The following ANGPT1 variants were observed in gnomAD, a reference collection of about 807,000 sequenced individuals.
ANGPT1 encodes angiopoietin 1, also known as angiopoietin-1.
A neutral mutation model predicts 62.2 loss-of-function variants in ANGPT1; 17 were observed. The ratio of observed to expected loss-of-function variants is 0.27; its 90% confidence interval spans 0.19 to 0.41. The LOEUF is 0.41. ANGPT1 is among the 10% of genes least tolerant of loss of function. ANGPT1 has a pLI of 1.00. For missense variants in ANGPT1, 478 were observed against 594.9 expected, an observed-to-expected ratio of 0.80 and a Z score of 2.04; for synonymous variants, 199 against 198.9, an observed-to-expected ratio of 1.00 and a Z score of 0.00.
rs543588305 is a variant in ANGPT1 at position 107,299,764 on chromosome 8, T to C, written c.936+3476A>G. Among the ~76,000 whole-genome samples, 177 of 116,892 alleles carry C rather than the reference T, an allele frequency of 1.5e-3. 1 individual carries two copies. Among genetic ancestry groups the C allele is most frequent in the Middle Eastern group, 0.014 (1 of 72 alleles). The allele number at this position is 116,892 out of a possible 152,430, so 76.7% of individuals were successfully genotyped here. The stretch of plus-strand genomic sequence containing the variant: ...TACTATATATCTAGATATGTAGTTA[T>C]ATCTAGATATACTATATATCTAGAT... On this transcript the variant is annotated intron_variant, in intron 5 of 8. Transcript: ENST00000517746.
chr8:107,296,024 C>A (rs1814406140), intron 5 of ANGPT1, among the ~76,000 whole-genome samples: 1 of 152,060 alleles, frequency 6.6e-6, no homozygotes, highest in Non-Finnish European at 1.5e-5. Context: ...AGCTCTGGAT[C>A]TGGGATTTAA....
intron 1 of ANGPT1, among the ~76,000 whole-genome samples, chr8:107,479,051 A>G (rs1325315881): frequency 6.6e-6 from 1 of 152,016 alleles, no homozygotes; most frequent in Non-Finnish European, 1.5e-5. Flanking sequence ...CCCGGATTGG[A>G]GTGTCTTAAC....
chr8:107,371,745 C>T (rs920023848), intron 1 of ANGPT1, among the ~76,000 whole-genome samples: 10 of 151,792 alleles, frequency 6.6e-5, no homozygotes, highest in Non-Finnish European at 8.8e-5. Context: ...CCTGTGGTGC[C>T]GGGCATTCTT....
At chr8:107,258,704 C>G (rs900576907) in intron 8 of ANGPT1, among the ~76,000 whole-genome samples, 2 of 152,130 alleles carry the variant, frequency 1.3e-5, no homozygotes, top group African/African-American at 4.8e-5. Flanking sequence ...AGGAACCTAA[C>G]ACTCAAATTT....
chr8:107,489,378 C>A (rs1254166986), intron 1 of ANGPT1, among the ~76,000 whole-genome samples: 2 of 152,064 alleles, frequency 1.3e-5, no homozygotes, highest in Non-Finnish European at 2.9e-5. Context: ...TAATAAGTGA[C>A]CTGCACAGTC....
intron 1 of ANGPT1, among the ~76,000 whole-genome samples, chr8:107,362,320 T>G (rs959054014): frequency 1.5e-4 from 23 of 152,200 alleles, no homozygotes; most frequent in African/African-American, 5.5e-4. Flanking sequence ...GCTGTTAAAG[T>G]GGAAATATTC....
chr8:107,349,782 T>C (rs965980500), intron 1 of ANGPT1, among the ~76,000 whole-genome samples: 1 of 152,134 alleles, frequency 6.6e-6, no homozygotes, highest in Non-Finnish European at 1.5e-5. Flanking sequence ...ATGCTATGCA[T>C]TTTATTATAT....
chr8:107,462,514 C>A (rs1159911361), intron 1 of ANGPT1, among the ~76,000 whole-genome samples: 1 of 151,758 alleles, frequency 6.6e-6, no homozygotes, highest in Non-Finnish European at 1.5e-5. Flanking sequence ...AAGACCTTTA[C>A]AAGTGAGGTT....
chr8:107,399,887 T>C (rs1016065215), intron 1 of ANGPT1, among the ~76,000 whole-genome samples: 1 of 151,982 alleles, frequency 6.6e-6, no homozygotes, highest in African/African-American at 2.4e-5. Context: ...AACATCAGGG[T>C]AGTTGAGATG....
At chr8:107,338,337 A>G (rs903204543) in intron 2 of ANGPT1, among the ~76,000 whole-genome samples, 11 of 152,212 alleles carry the variant, frequency 7.2e-5, no homozygotes, top group Non-Finnish European at 1.5e-4. Context: ...AGAAATCCAC[A>G]TTTAACAGAA....
chr8:107,263,282 A>T (rs1813535928), intron 8 of ANGPT1, among the ~76,000 whole-genome samples: 1 of 141,258 alleles, frequency 7.1e-6, no homozygotes, highest in South Asian at 2.5e-4. Context: ...TGAACCCAGG[A>T]GGTGGAGGCT....
At chr8:107,280,361 C>T (rs571704004) in intron 7 of ANGPT1, among the ~76,000 whole-genome samples, 8 of 152,132 alleles carry the variant, frequency 5.3e-5, no homozygotes, top group East Asian at 1.9e-4. Flanking sequence ...CTACCACGCC[C>T]GGCTAATTTT....
intron 8 of ANGPT1, among the ~76,000 whole-genome samples, chr8:107,263,195 A>C (rs1813533611): frequency 6.6e-6 from 1 of 151,872 alleles, no homozygotes; most frequent in African/African-American, 2.4e-5. Context: ...CTTTACTAAA[A>C]ATAGAAAAAT....
At chr8:107,317,172 T>C (rs1292185867) in intron 4 of ANGPT1, among the ~76,000 whole-genome samples, 1 of 152,206 alleles carries the variant, frequency 6.6e-6, no homozygotes, top group African/African-American at 2.4e-5. Flanking sequence ...TGAAAAATAA[T>C]TGTTTACTTT....
chr8:107,404,155 G>A (rs541499862), intron 1 of ANGPT1, among the ~76,000 whole-genome samples: 28 of 152,240 alleles, frequency 1.8e-4, no homozygotes, highest in African/African-American at 6.7e-4. Context: ...TTTGTAGAGA[G>A]TAATTCACAG....
At chr8:107,450,298 G>A (rs903457807) in intron 1 of ANGPT1, among the ~76,000 whole-genome samples, 11 of 152,006 alleles carry the variant, frequency 7.2e-5, no homozygotes, top group African/African-American at 2.4e-4. Flanking sequence ...CACATTCTGA[G>A]CATCTGCTAA....
intron 4 of ANGPT1, among the ~76,000 whole-genome samples, chr8:107,310,073 T>G (rs1412713786): frequency 6.6e-6 from 1 of 152,130 alleles, no homozygotes; most frequent in African/African-American, 2.4e-5. Flanking sequence ...CTCATTTAAA[T>G]TATTTATATG....
chr8:107,443,469 A>G (rs894731875), intron 1 of ANGPT1, among the ~76,000 whole-genome samples: 5 of 152,174 alleles, frequency 3.3e-5, no homozygotes, highest in African/African-American at 1.2e-4. Flanking sequence ...AGTATTCATG[A>G]TATACTTAAT....
intron 1 of ANGPT1, among the ~76,000 whole-genome samples, chr8:107,394,959 A>T (rs1269265488): frequency 2.0e-5 from 3 of 151,958 alleles, no homozygotes; most frequent in Admixed American, 6.6e-5. Context: ...TGATCCAGTT[A>T]TTTTTTTTAA....
Sources: gnomAD v4.1 joint callset for allele counts (sites outside exome capture counted in the v4.1 genomes callset) on GRCh38, gnomAD v4.1.1 for gene constraint, MANE v1.5 for transcripts, NCBI Gene and HGNC (gene_info 2026-07-23, HGNC 2026-07-21) for gene names.